PJA2: variants seen among roughly 807,000 people sequenced by gnomAD.
The protein encoded by PJA2 is E3 ubiquitin-protein ligase Praja-2.
In PJA2, 25 loss-of-function variants were observed where a neutral mutation model predicts 69.3. The ratio of observed to expected loss-of-function variants is 0.36; its 90% CI spans 0.26 to 0.50. PJA2 has a LOEUF of 0.50. PJA2 is among the 20% of genes least tolerant of loss of function. The pLI, the probability that PJA2 is intolerant of heterozygous loss-of-function variation, is 0.96. For synonymous variants in PJA2, 308 were observed against 277.8 expected, an observed-to-expected ratio of 1.11 and a Z score of -1.08; for missense variants, 809 against 830.2, an observed-to-expected ratio of 0.97 and a Z score of 0.31.
At chr5:109,355,328 G>C (rs1001288983) in intron 7 of PJA2, among the ~76,000 whole-genome samples, 9 of 152,192 alleles carry the variant, frequency 5.9e-5, no homozygotes, top group African/African-American at 2.2e-4. Context: ...CACTGGTACA[G>C]TAGTAGTTCC....
chr5:109,403,307 C>A (rs1747605241), intron 1 of PJA2, among the ~76,000 whole-genome samples: 1 of 151,966 alleles, frequency 6.6e-6, no homozygotes. Context: ...CATACAAAGA[C>A]CGAAAGCTTT....
chr5:109,378,170 A>G lies in PJA2; in HGVS notation c.1283+34T>C, dbSNP rs758455095. 41 of 1,488,530 alleles carry G rather than the reference A, an allele frequency of 2.8e-5. 1 individual carries two copies. In the South Asian group the frequency reaches 5.0e-4, roughly 18 times the overall value. The allele number at this position is 1,488,530 out of a possible 1,614,324, so 92.2% of individuals were successfully genotyped here. Reference sequence around the variant, plus strand: ...CTAGAAAGAAACCACTTCATTTACTACACAATCGGAAAAAGTACTGGATGT... The same window carrying G: ...CTAGAAAGAAACCACTTCATTTACTGCACAATCGGAAAAAGTACTGGATGT... On this transcript the variant is annotated intron_variant, in intron 4 of 9. Coordinates refer to ENST00000361189, the MANE Select transcript of PJA2 (RefSeq NM_014819.5).
chr5:109,343,273 C>CAAA (rs869033444), intron 9 of PJA2, among the ~76,000 whole-genome samples: 10 of 19,360 alleles, frequency 5.2e-4, no homozygotes, highest in African/African-American at 2.7e-3. Flanking sequence ...AAGGGCGGTG[C>CAAA]AAAAAAAAAA....
At chr5:109,374,431 C>G (rs1168731825) in intron 4 of PJA2, among the ~76,000 whole-genome samples, 3 of 152,262 alleles carry the variant, frequency 2.0e-5, no homozygotes, top group Non-Finnish European at 4.4e-5. Context: ...CTTTGTGGCT[C>G]TCAGGTAACC....
intron 9 of PJA2, 74 bp from the exon 10 acceptor site, chr5:109,337,430 AC>A (rs1199837661): frequency 4.1e-6 from 6 of 1,474,566 alleles, no homozygotes; most frequent in East Asian, 5.0e-5. Context: ...TAAAGAAAAA[AC>A]AGTGTCATTA....
intron 7 of PJA2, among the ~76,000 whole-genome samples, chr5:109,352,566 T>C (rs1762271099): frequency 6.6e-6 from 1 of 152,148 alleles, no homozygotes; most frequent in African/African-American, 2.4e-5. Context: ...TTGTATCCTA[T>C]CTCATGATGT....
In PJA2 at chr5:109,381,425, T is replaced by C. The variant is rs1582616331; in HGVS notation, c.232+78A>G. 4.2e-6 allele frequency: 5 copies of C among 1,188,250 alleles called. No homozygotes were observed. The South Asian group carries it at 5.6e-5, about 13-fold the overall frequency. The allele number at this position is 1,188,250 out of a possible 1,614,324, so 73.6% of individuals were successfully genotyped here. A position where few individuals can be genotyped will look rare whatever the true frequency, so the allele number is the denominator to read the frequency against. The stretch of plus-strand genomic sequence containing the variant: ...CATTTACACTCACAGACATGCATAA[T>C]ACCCACCCAAAAATTTAATTATAAG... On this transcript the variant is annotated intron_variant, in intron 3 of 9. Coordinates refer to ENST00000361189, the MANE Select transcript of PJA2 (RefSeq NM_014819.5).
intron 4 of PJA2, among the ~76,000 whole-genome samples, chr5:109,374,545 T>C (rs1201532850): frequency 6.6e-6 from 1 of 152,240 alleles, no homozygotes; most frequent in African/African-American, 2.4e-5. Context: ...GGGACCATTA[T>C]GATTTGTATT....
chr5:109,360,151 T>G (rs1762484176), intron 6 of PJA2, among the ~76,000 whole-genome samples: 1 of 152,188 alleles, frequency 6.6e-6, no homozygotes, highest in Non-Finnish European at 1.5e-5. Context: ...CACAGTTATA[T>G]CCACACAGAA....
At chr5:109,353,988 T>C (rs925158627) in intron 7 of PJA2, among the ~76,000 whole-genome samples, 1 of 113,414 alleles carries the variant, frequency 8.8e-6, no homozygotes, top group Non-Finnish European at 2.1e-5. Context: ...ATAGATTAGA[T>C]AGATATCTAG....
rs1450603044 is a variant in PJA2, at chr5:109,406,154, C to G, written c.-88+3688G>C. ...CACCTCCCGGGTTCACGCCATTATC[C>G]TAACTCAGCCGGAGTAGCTGGCACT... On this transcript the variant is annotated intron_variant, in intron 1 of 9. Coordinates refer to ENST00000361189, the MANE Select transcript of PJA2 (RefSeq NM_014819.5). Among the ~76,000 whole-genome samples, 4 of 150,930 alleles carry G rather than the reference C, an allele frequency of 2.7e-5. No individual in the cohort carries two copies. The Admixed American group carries it at 2.7e-4, about 10-fold the overall frequency.
At chr5:109,340,472 A>G (rs182613756) in intron 9 of PJA2, among the ~76,000 whole-genome samples, 1 of 151,930 alleles carries the variant, frequency 6.6e-6, no homozygotes, top group Non-Finnish European at 1.5e-5. Flanking sequence ...TGTATTCCTA[A>G]GTAGATAATT....
intron 4 of PJA2, among the ~76,000 whole-genome samples, chr5:109,375,508 G>A (rs985715464): frequency 6.6e-6 from 1 of 151,456 alleles, no homozygotes; most frequent in Non-Finnish European, 1.5e-5. Context: ...ACTCTGTCTC[G>A]AAATAAATAA....
In PJA2 at chr5:109,383,500, T is replaced by C. The variant is rs78888663; in HGVS notation, c.-67A>G. 392 of 1,309,406 alleles carry C rather than the reference T, an allele frequency of 3.0e-4. 1 individual carries two copies. The African/African-American group carries it at 4.9e-3, about 16-fold the overall frequency. The allele number at this position is 1,309,406 out of a possible 1,614,324, so 81.1% of individuals were successfully genotyped here. The stretch of plus-strand genomic sequence containing the variant: ...TGTGATTTAGTTTTTATTCACACTA[T>C]GGACAAGCCGCAGAAGATTCCTACA... On this transcript the variant is annotated 5_prime_UTR_variant, in exon 2 of 10. Coordinates refer to ENST00000361189, the MANE Select transcript of PJA2 (RefSeq NM_014819.5).
chr5:109,382,754 A>G (rs2127008523), intron 2 of PJA2, among the ~76,000 whole-genome samples: 2 of 152,192 alleles, frequency 1.3e-5, no homozygotes. Flanking sequence ...AAGCTGAGGC[A>G]TGAGAATCAC....
At chr5:109,404,261 C>A (rs1027579669) in intron 1 of PJA2, among the ~76,000 whole-genome samples, 4 of 151,326 alleles carry the variant, frequency 2.6e-5, no homozygotes, top group African/African-American at 9.7e-5. Flanking sequence ...TGGCTCACAC[C>A]TGTAATTCCA....
chr5:109,369,094 T>C (rs1162027512), intron 4 of PJA2, among the ~76,000 whole-genome samples: 1 of 152,186 alleles, frequency 6.6e-6, no homozygotes, highest in Admixed American at 6.5e-5. Flanking sequence ...ATTGGAAGCT[T>C]CCTGAGGCAC....
intron 1 of PJA2, among the ~76,000 whole-genome samples, chr5:109,406,867 AC>A (rs1381777877): frequency 7.9e-5 from 12 of 152,204 alleles, no homozygotes; most frequent in African/African-American, 2.2e-4. Context: ...TAAAATGAGA[AC>A]CCGTTAAATA....
rs527238162 is a variant in PJA2 at position 109,343,183 on chromosome 5, G to A, written c.2001+1007C>T. The stretch of plus-strand genomic sequence containing the variant: ...ACTAAGAAAAATTCCTCTCTCTTGG[G>A]ATCCTGTTGATCTGTGACCTTACCC... On this transcript the variant is annotated intron_variant, in intron 9 of 9. Coordinates refer to ENST00000361189, the MANE Select transcript of PJA2 (RefSeq NM_014819.5). Among the ~76,000 whole-genome samples, 3 of 121,776 alleles carry A rather than the reference G, an allele frequency of 2.5e-5. No homozygotes were observed. In the Admixed American group the frequency reaches 2.5e-4, roughly 10 times the overall value. 79.9% of individuals were successfully genotyped at this position (121,776 alleles called of 152,430 possible). A position where few individuals can be genotyped will look rare whatever the true frequency, so the allele number is the denominator to read the frequency against.
Sources: gnomAD v4.1 joint callset for allele counts (sites outside exome capture counted in the v4.1 genomes callset) on GRCh38, gnomAD v4.1.1 for gene constraint, MANE v1.5 for transcripts, NCBI Gene and HGNC (gene_info 2026-07-23, HGNC 2026-07-21) for gene names.